Variants in SCAMP4 observed in about 807,000 individuals in gnomAD.
SCAMP4 encodes secretory carrier membrane protein 4, also known as secretory carrier-associated membrane protein 4.
SCAMP4 carries 19 observed loss-of-function variants against 32.1 expected under a neutral mutation model. The ratio of observed to expected loss-of-function variants is 0.59; its 90% CI spans 0.41 to 0.87. The LOEUF (loss-of-function observed/expected upper bound fraction) is 0.87. Ranked by LOEUF, SCAMP4 falls within the 40% of genes least tolerant of loss-of-function variation. The pLI, the probability that SCAMP4 is intolerant of heterozygous loss-of-function variation, is 0.00. For synonymous variants in SCAMP4, 152 were observed against 132.7 expected (o/e 1.15, Z -1.00); for missense variants, 302 against 309.0 (o/e 0.98, Z 0.17).
In SCAMP4 at chr19:1,924,526, G is replaced by T. The variant is rs112436547; in HGVS notation, c.*242G>T. 2.7e-5 allele frequency: 15 copies of T among 546,518 alleles called. No individual in the cohort carries two copies. Among genetic ancestry groups the T allele is most frequent in the African/African-American group, 2.1e-4 (11 of 53,004 alleles). The allele number at this position is 546,518 out of a possible 1,614,324, so 33.9% of individuals were successfully genotyped here. On this transcript the variant is annotated 3_prime_UTR_variant, in exon 7 of 7. Transcript: ENST00000316097. ...CCTTGGCCTCTGCCGTCCACAGGAC[G>T]CCCTCTTGCTCCCGGAAACGTGTGG...
chr19:1,918,657 G>T, intron 4 of SCAMP4: 1 of 620,796 alleles, frequency 1.6e-6, no homozygotes, highest in East Asian at 3.3e-5. Flanking sequence ...AGCTACTCAG[G>T]AGGCTGAGGC....
intron 1 of SCAMP4, chr19:1,906,693 A>G (rs897238725): frequency 6.6e-6 from 1 of 150,630 alleles, no homozygotes; most frequent in African/African-American, 2.4e-5. Flanking sequence ...TACTAAAAAT[A>G]AAAAAAAGCC....
At position 1,922,713 on chromosome 19, in the gene SCAMP4, G is replaced by A. The variant is rs887624813; in HGVS notation, c.396-357G>A. ...GGGCCTTTGAGTCTTTCCATGGCTG[G>A]TGCCCGCCGGACTCACTGAGGGAAA... is the stretch of plus-strand genomic sequence containing the variant. On this transcript the variant is annotated intron_variant, in intron 5 of 6. Transcript: ENST00000316097. 9 of 998,190 alleles carry A rather than the reference G, an allele frequency of 9.0e-6. No homozygotes were observed. In the African/African-American group the frequency reaches 1.0e-4, roughly 12 times the overall value. 61.8% of individuals were successfully genotyped at this position (998,190 alleles called of 1,614,324 possible).
intron 1 of SCAMP4, chr19:1,912,783 G>C (rs1432441414): frequency 6.4e-7 from 1 of 1,571,010 alleles, no homozygotes; most frequent in East Asian, 2.3e-5. Flanking sequence ...GGTGTGCGTG[G>C]ACCTCGTGGC....
intron 1 of SCAMP4, chr19:1,912,088 C>T: frequency 2.0e-6 from 3 of 1,472,974 alleles, no homozygotes; most frequent in Non-Finnish European, 2.7e-6. Flanking sequence ...CAGTCGGCCT[C>T]GCTGAGGATG....
At chr19:1,922,762 A>G in intron 5 of SCAMP4, 1 of 1,043,772 alleles carries the variant, frequency 9.6e-7, no homozygotes, top group Non-Finnish European at 1.2e-6. Flanking sequence ...ACTGGTCTCC[A>G]TTCCCTGCAC....
intron 1 of SCAMP4, chr19:1,907,950 T>C (rs964291889): frequency 3.2e-5 from 5 of 154,038 alleles, no homozygotes; most frequent in African/African-American, 1.2e-4. Context: ...TCCGGGATTT[T>C]GACCTGCCCT....
At chr19:1,912,157 C>A in intron 1 of SCAMP4, 1 of 1,569,576 alleles carries the variant, frequency 6.4e-7, no homozygotes, top group Non-Finnish European at 8.6e-7. Context: ...AGCCCGGAGC[C>A]TGAGCCGGCG....
chr19:1,921,836 G>A (rs2145459542), intron 5 of SCAMP4: 1 of 985,272 alleles, frequency 1.0e-6, no homozygotes, highest in East Asian at 1.1e-4. Context: ...AAAAGAGGAA[G>A]GAATGACCCA....
chr19:1,918,023 C>A (rs1314331695), intron 3 of SCAMP4, 104 bp from the exon 4 acceptor site: 12 of 1,453,304 alleles, frequency 8.3e-6, no homozygotes, highest in Non-Finnish European at 1.1e-5. Flanking sequence ...CATGGGGTCA[C>A]TGGGCTGGGG....
chr19:1,923,175 C>T lies in SCAMP4; in HGVS notation c.501C>T (p.Ile167=), dbSNP rs753242934. Residue 167 remains isoleucine, a synonymous_variant, in exon 6 of 7, where the codon ATC becomes ATT. Coordinates refer to ENST00000316097, the MANE Select transcript of SCAMP4 (RefSeq NM_079834.4). ...CCGTGTCGGCTGCCATGATGGCCAT[C>T]GCGATCATGAAGGTGAGTCCTCGGC... ...MFSVSAAMMA[I]AIMKVHRIYR... 87 of 1,549,688 alleles carry T rather than the reference C, an allele frequency of 5.6e-5. No homozygotes were observed. The Middle Eastern group carries it at 1.0e-3, about 18-fold the overall frequency.
intron 5 of SCAMP4, chr19:1,920,924 T>G: frequency 2.0e-6 from 2 of 985,384 alleles, no homozygotes; most frequent in Non-Finnish European, 2.4e-6. Flanking sequence ...CAGCAGCGAC[T>G]TGGCTCTTCT....
chr19:1,924,829 G>A lies in SCAMP4; in HGVS notation c.*545G>A, dbSNP rs564201439. The stretch of plus-strand genomic sequence containing the variant: ...GCCTAGCTGAGTCCTCGCTGTCCCC[G>A]CCATCCCCTGATCTGTGCGGCTCCA... On this transcript the variant is annotated 3_prime_UTR_variant, in exon 7 of 7. Transcript: ENST00000316097. 10 of 172,460 alleles carry A rather than the reference G, an allele frequency of 5.8e-5. No individual in the cohort carries two copies. The highest frequency in any genetic ancestry group is 2.2e-4 in the Admixed American group (4 of 18,316). The allele number at this position is 172,460 out of a possible 1,614,324, so 10.7% of individuals were successfully genotyped here. A position where few individuals can be genotyped will look rare whatever the true frequency, so the allele number is the denominator to read the frequency against.
chr19:1,921,991 A>C (rs1309063906), intron 5 of SCAMP4: 1 of 985,490 alleles, frequency 1.0e-6, no homozygotes, highest in Non-Finnish European at 1.2e-6. Flanking sequence ...CCCCGGACAC[A>C]TCCGGGGGTG....
At chr19:1,915,123 G>A in intron 2 of SCAMP4, 97 bp downstream of exon 2, 1 of 1,430,170 alleles carries the variant, frequency 7.0e-7, no homozygotes, top group South Asian at 1.1e-5. Context: ...TTGGCAAACA[G>A]TGTCCTCCTG....
At position 1,925,375 on chromosome 19, in the gene SCAMP4, G is replaced by A. The variant is rs1335499422; in HGVS notation, c.*1091G>A. On this transcript the variant is annotated 3_prime_UTR_variant, in exon 7 of 7. Coordinates refer to ENST00000316097, the MANE Select transcript of SCAMP4 (RefSeq NM_079834.4). ...GGCCTCCCAAAGTGCTGGGATAATA[G>A]GTGTCAGCCACCGCGCCCAGCCTGG... 6.6e-6 allele frequency: 1 copy of A among 152,530 alleles called. No individual in the cohort carries two copies. 9.4% of individuals were successfully genotyped at this position (152,530 alleles called of 1,614,324 possible).
chr19:1,923,258 G>GT, intron 6 of SCAMP4, 71 bp downstream of exon 6: 1 of 1,324,634 alleles, frequency 7.5e-7, no homozygotes, highest in Non-Finnish European at 1.0e-6. Flanking sequence ...ACTGTCCCAG[G>GT]TGGGTGAACG....
chr19:1,912,077 A>C, intron 1 of SCAMP4: 1 of 1,452,012 alleles, frequency 6.9e-7, no homozygotes. Flanking sequence ...TCTGTCTCCC[A>C]CAGTCGGCCT....
chr19:1,913,947 C>T (rs1268511785), intron 1 of SCAMP4, among the ~76,000 whole-genome samples: 1 of 152,144 alleles, frequency 6.6e-6, no homozygotes, highest in Non-Finnish European at 1.5e-5. Flanking sequence ...GCGTGGGGAG[C>T]TCATGCAGTG....
Sources: allele counts gnomAD v4.1 joint callset (sites outside exome capture counted in the v4.1 genomes callset), GRCh38; gene constraint gnomAD v4.1.1; transcripts MANE v1.5; gene names NCBI Gene and HGNC (gene_info 2026-07-23, HGNC 2026-07-21).